Variants in HDHD2 observed in about 807,000 individuals in gnomAD.
HDHD2 encodes the protein haloacid dehalogenase-like hydrolase domain-containing protein 2.
HDHD2 carries 26 observed loss-of-function variants against 24.8 expected under a neutral mutation model. The ratio of observed to expected loss-of-function variants is 1.05; its 90% CI spans 0.77 to 1.45. The LOEUF is 1.45. HDHD2 is among the 40% of genes most tolerant of loss of function. The pLI, the probability that HDHD2 is intolerant of heterozygous loss-of-function variation, is 0.00. For synonymous variants in HDHD2, 128 were observed against 114.9 expected (o/e 1.11, Z -0.73); for missense variants, 299 against 313.4 (o/e 0.95, Z 0.35).
chr18:47,144,086 C>T (rs2063844449), intron 1 of HDHD2, among the ~76,000 whole-genome samples: 1 of 151,822 alleles, frequency 6.6e-6, no homozygotes, highest in South Asian at 2.1e-4. Context: ...TGCACGTCTG[C>T]ACGCATGCGC....
intron 1 of HDHD2, among the ~76,000 whole-genome samples, chr18:47,138,531 A>G (rs893998664): frequency 6.6e-6 from 1 of 152,246 alleles, no homozygotes; most frequent in African/African-American, 2.4e-5. Context: ...TCAGGTGAAG[A>G]ATATATGGTT....
intron 1 of HDHD2, among the ~76,000 whole-genome samples, chr18:47,139,198 C>G (rs2063796412): frequency 6.6e-6 from 1 of 152,006 alleles, no homozygotes; most frequent in African/African-American, 2.4e-5. Flanking sequence ...GTGGCTCACG[C>G]CTGTAATCCC....
chr18:47,114,831 A>C (rs1174020333), intron 5 of HDHD2, among the ~76,000 whole-genome samples: 1 of 151,540 alleles, frequency 6.6e-6, no homozygotes, highest in Non-Finnish European at 1.5e-5. Context: ...TGGCTTTTGA[A>C]CTATATATAT....
intron 5 of HDHD2, among the ~76,000 whole-genome samples, chr18:47,113,378 A>T (rs2063531904): frequency 6.6e-6 from 1 of 152,330 alleles, no homozygotes; most frequent in Non-Finnish European, 1.5e-5. Context: ...AATGCATTCT[A>T]TCCATTTGGC....
At chr18:47,129,584 T>C (rs1209092406) in intron 4 of HDHD2, among the ~76,000 whole-genome samples, 1 of 152,152 alleles carries the variant, frequency 6.6e-6, no homozygotes, top group Non-Finnish European at 1.5e-5. Context: ...ACTGCCACTA[T>C]TCCAGTTCAC....
chr18:47,117,133 G>A (rs936986648), intron 4 of HDHD2, among the ~76,000 whole-genome samples: 3 of 152,128 alleles, frequency 2.0e-5, no homozygotes, highest in Admixed American at 2.0e-4. Flanking sequence ...GGACTGAAAA[G>A]TAACTGTTTT....
chr18:47,119,222 T>C (rs57928699), intron 4 of HDHD2, among the ~76,000 whole-genome samples: 1 of 152,136 alleles, frequency 6.6e-6, no homozygotes, highest in Non-Finnish European at 1.5e-5. Flanking sequence ...AAGACAACAA[T>C]GAAGCTTGCT....
chr18:47,150,146 G>A (rs2063915713), intron 1 of HDHD2: 1 of 150,814 alleles, frequency 6.6e-6, no homozygotes, highest in South Asian at 2.1e-4. Context: ...CCGCCCCGCA[G>A]AGACCCACAG....
At chr18:47,112,876 A>T in intron 6 of HDHD2, 101 bp downstream of exon 6, 1 of 963,942 alleles carries the variant, frequency 1.0e-6, no homozygotes, top group South Asian at 1.4e-5. Flanking sequence ...GAAGAGAATA[A>T]AAGTGCCCAG....
intron 1 of HDHD2, among the ~76,000 whole-genome samples, chr18:47,138,628 G>A (rs951327579): frequency 1.3e-5 from 2 of 152,188 alleles, no homozygotes; most frequent in African/African-American, 4.8e-5. Flanking sequence ...GGCGAAAGAA[G>A]GATGTTTTCA....
At chr18:47,129,596 G>T (rs1025559840) in intron 4 of HDHD2, among the ~76,000 whole-genome samples, 1 of 151,966 alleles carries the variant, frequency 6.6e-6, no homozygotes, top group South Asian at 2.1e-4. Context: ...CCAGTTCACC[G>T]TATCATTACC....
intron 4 of HDHD2, among the ~76,000 whole-genome samples, chr18:47,122,413 C>CT (rs1156243847): frequency 6.6e-6 from 1 of 152,138 alleles, no homozygotes; most frequent in Non-Finnish European, 1.5e-5. Context: ...TCCCTGGCCT[C>CT]TACCCATCAT....
intron 1 of HDHD2, among the ~76,000 whole-genome samples, chr18:47,139,055 G>C (rs1346597766): frequency 6.6e-6 from 1 of 152,206 alleles, no homozygotes; most frequent in Non-Finnish European, 1.5e-5. Context: ...CCCACATGCT[G>C]TGAGGGTGGC....
intron 4 of HDHD2, among the ~76,000 whole-genome samples, chr18:47,115,709 A>G (rs2144290026): frequency 6.6e-6 from 1 of 152,314 alleles, no homozygotes. Context: ...ACCTTCCCCA[A>G]TGGTAAGCAG....
chr18:47,135,198 G>T (rs1297426385), intron 2 of HDHD2, among the ~76,000 whole-genome samples: 1 of 151,758 alleles, frequency 6.6e-6, no homozygotes, highest in Non-Finnish European at 1.5e-5. Flanking sequence ...AAGAAAGTGA[G>T]GTTTGTGTCA....
chr18:47,132,477 G>A (rs1346410065), intron 3 of HDHD2, among the ~76,000 whole-genome samples: 2 of 152,142 alleles, frequency 1.3e-5, no homozygotes, highest in African/African-American at 4.8e-5. Context: ...TGCTTCATAT[G>A]TAATTTTGCT....
At chr18:47,149,517 T>C (rs2063908283) in intron 1 of HDHD2, among the ~76,000 whole-genome samples, 1 of 152,208 alleles carries the variant, frequency 6.6e-6, no homozygotes, top group African/African-American at 2.4e-5. Flanking sequence ...GACAGAGTCC[T>C]GGTTTACCCT....
chr18:47,137,312 C>T (rs1031954205), intron 1 of HDHD2: 3 of 414,138 alleles, frequency 7.2e-6, no homozygotes, highest in Non-Finnish European at 1.4e-5. Flanking sequence ...GAAAAGGGAA[C>T]CTGCTTCTTT....
intron 4 of HDHD2, among the ~76,000 whole-genome samples, chr18:47,117,450 GTGCTCTC>G (rs2063566969): frequency 6.6e-6 from 1 of 152,110 alleles, no homozygotes; most frequent in Non-Finnish European, 1.5e-5. Context: ...TCTTGTGTGC[GTGCTCTC>G]TTGACCTTCT....
Sources: allele counts gnomAD v4.1 joint callset (sites outside exome capture counted in the v4.1 genomes callset), GRCh38; gene constraint gnomAD v4.1.1; transcripts MANE v1.5; gene names NCBI Gene and HGNC (gene_info 2026-07-23, HGNC 2026-07-21).